Variants in GRID2 observed in about 807,000 individuals in gnomAD.
GRID2 encodes the protein glutamate ionotropic receptor delta type subunit 2.
Under a neutral mutation model 114.8 loss-of-function variants are expected in GRID2, and 33 were observed. The ratio of observed to expected loss-of-function variants is 0.29; its 90% CI spans 0.22 to 0.38. GRID2 has a LOEUF of 0.38. Among genes scored for constraint, GRID2 ranks in the 10% least tolerant of loss-of-function variants. The pLI is 1.00. For synonymous variants in GRID2, 505 were observed against 449.9 expected, an observed-to-expected ratio of 1.12 and a Z score of -1.55; for missense variants, 1,184 against 1,257.7, an observed-to-expected ratio of 0.94 and a Z score of 0.89.
At chr4:92,544,809 G>A (rs1294172171) in intron 1 of GRID2, among the ~76,000 whole-genome samples, 1 of 151,970 alleles carries the variant, frequency 6.6e-6, no homozygotes, top group Non-Finnish European at 1.5e-5. Context: ...AAATACACAC[G>A]TAGTCCTCTT....
intron 1 of GRID2, among the ~76,000 whole-genome samples, chr4:92,412,117 C>CTGTG (rs60674952): frequency 1.7e-4 from 25 of 143,530 alleles, no homozygotes; most frequent in South Asian, 6.8e-4. Context: ...TTTTTTGTGC[C>CTGTG]TGTGTGTGTG....
chr4:93,069,753 T>C (rs1339347945), intron 2 of GRID2, among the ~76,000 whole-genome samples: 2 of 152,058 alleles, frequency 1.3e-5, no homozygotes, highest in Non-Finnish European at 2.9e-5. Flanking sequence ...CTTTAATGCC[T>C]GAAGAAACTG....
chr4:93,540,501 C>T (rs1732555170), intron 13 of GRID2, among the ~76,000 whole-genome samples: 1 of 152,070 alleles, frequency 6.6e-6, no homozygotes, highest in Admixed American at 6.6e-5. Context: ...GAGAGAAAAG[C>T]ATACCCCAAG....
In GRID2 at chr4:92,919,863, T is replaced by C. The variant is rs1749157215; in HGVS notation, c.245-165132T>C. ...GGTGGAGAGTTCTGTAGATGTGTAT[T>C]AGGTCCGCTTGGTGCAGAGCTGAGT... On this transcript the variant is annotated intron_variant, in intron 2 of 15. Transcript: ENST00000282020. 2.0e-5 allele frequency among the ~76,000 whole-genome samples: 3 copies of C among 152,216 alleles called. No individual in the cohort carries two copies. In the South Asian group the frequency reaches 6.2e-4, roughly 32 times the overall value.
At chr4:92,625,440 G>C (rs747740676) in intron 2 of GRID2, among the ~76,000 whole-genome samples, 1 of 151,782 alleles carries the variant, frequency 6.6e-6, no homozygotes, top group Non-Finnish European at 1.5e-5. Context: ...AAAGTAGAAA[G>C]AGAGTCTTCA....
chr4:92,970,347 C>T (rs1169112132), intron 2 of GRID2, among the ~76,000 whole-genome samples: 1 of 151,872 alleles, frequency 6.6e-6, no homozygotes, highest in Non-Finnish European at 1.5e-5. Context: ...AGGATATATG[C>T]ATCTTTGAAT....
At chr4:92,657,185 G>A (rs1359399302) in intron 2 of GRID2, among the ~76,000 whole-genome samples, 1 of 150,754 alleles carries the variant, frequency 6.6e-6, no homozygotes, top group Non-Finnish European at 1.5e-5. Flanking sequence ...GGTGAAAGAA[G>A]GCTCCAGGGC....
chr4:92,388,604 C>T (rs768275896), intron 1 of GRID2, among the ~76,000 whole-genome samples: 3 of 151,892 alleles, frequency 2.0e-5, no homozygotes, highest in Non-Finnish European at 2.9e-5. Flanking sequence ...CATTGTTTTC[C>T]GAGACTGGTT....
chr4:92,642,506 A>G (rs1480601044), intron 2 of GRID2, among the ~76,000 whole-genome samples: 1 of 151,876 alleles, frequency 6.6e-6, no homozygotes, highest in Admixed American at 6.6e-5. Flanking sequence ...TGTTGACTTG[A>G]GTTCTTCGTT....
intron 13 of GRID2, among the ~76,000 whole-genome samples, chr4:93,595,864 T>C (rs1001675119): frequency 4.7e-4 from 72 of 152,354 alleles, no homozygotes; most frequent in South Asian, 1.0e-3. Flanking sequence ...TAATAACAAT[T>C]TCTACCTACC....
At chr4:92,621,859 G>A (rs1315368029) in intron 2 of GRID2, among the ~76,000 whole-genome samples, 3 of 151,796 alleles carry the variant, frequency 2.0e-5, no homozygotes, top group Non-Finnish European at 4.4e-5. Flanking sequence ...AATAGCTAGA[G>A]TTTGGTGAAA....
chr4:92,690,210 AAAG>A (rs1479842941), intron 2 of GRID2, among the ~76,000 whole-genome samples: 2 of 152,056 alleles, frequency 1.3e-5, no homozygotes, highest in Non-Finnish European at 2.9e-5. Context: ...TAAAAAAAAA[AAAG>A]AAAAAAAGTA....
intron 2 of GRID2, among the ~76,000 whole-genome samples, chr4:92,900,714 G>T (rs1368868455): frequency 6.6e-6 from 1 of 151,782 alleles, no homozygotes; most frequent in African/African-American, 2.4e-5. Flanking sequence ...TGTGCCTGTA[G>T]TCCCAGCTAC....
intron 9 of GRID2, among the ~76,000 whole-genome samples, chr4:93,401,315 T>C (rs1765864206): frequency 6.6e-6 from 1 of 152,090 alleles, no homozygotes; most frequent in Admixed American, 6.6e-5. Flanking sequence ...GTGATAGTGA[T>C]TTTTCTGCAT....
intron 2 of GRID2, among the ~76,000 whole-genome samples, chr4:92,626,768 A>C (rs1254425841): frequency 6.6e-6 from 1 of 152,108 alleles, no homozygotes; most frequent in Non-Finnish European, 1.5e-5. Flanking sequence ...GCAAAATCAC[A>C]AAACAATTAT....
intron 1 of GRID2, among the ~76,000 whole-genome samples, chr4:92,439,775 T>G (rs974660519): frequency 6.9e-6 from 1 of 145,894 alleles, no homozygotes; most frequent in African/African-American, 2.4e-5. Context: ...CTAAGGAGAT[T>G]CAGCATAGTC....
intron 1 of GRID2, among the ~76,000 whole-genome samples, chr4:92,365,485 C>CTGGTGGTGGTGG (rs751222998): frequency 8.5e-4 from 128 of 150,858 alleles, no homozygotes; most frequent in Non-Finnish European, 1.6e-3. Context: ...CTGGGTGGTG[C>CTGGTGGTGGTGG]TGGTGGTGGT....
chr4:93,515,192 C>T, intron 12 of GRID2, 24 bp from the exon 13 acceptor site: 1 of 1,219,436 alleles, frequency 8.2e-7, no homozygotes, highest in Non-Finnish European at 1.1e-6. Flanking sequence ...TCTCTTGTGT[C>T]TCTCTTCTCT....
intron 1 of GRID2, among the ~76,000 whole-genome samples, chr4:92,342,064 G>A (rs1248806267): frequency 4.6e-5 from 7 of 151,878 alleles, no homozygotes; most frequent in Admixed American, 3.9e-4. Flanking sequence ...GTACTACTGC[G>A]CTGGGCACTG....
Sources: allele counts gnomAD v4.1 joint callset (sites outside exome capture counted in the v4.1 genomes callset), GRCh38; gene constraint gnomAD v4.1.1; transcripts MANE v1.5; gene names NCBI Gene and HGNC (gene_info 2026-07-23, HGNC 2026-07-21).